Variants in PPP4R4 observed in about 807,000 individuals in gnomAD.
The protein encoded by PPP4R4 is protein phosphatase 4 regulatory subunit 4.
A neutral mutation model predicts 121.8 loss-of-function variants in PPP4R4; 70 were observed. The observed-to-expected ratio is 0.57, with a 90% CI of 0.47 to 0.70. The LOEUF (loss-of-function observed/expected upper bound fraction) is 0.70. Ranked by LOEUF, PPP4R4 falls within the 30% of genes least tolerant of loss-of-function variation. The probability of loss-of-function intolerance (pLI) is 0.00; values close to 1 mark genes in which losing one functional copy is unlikely to be tolerated. For synonymous variants in PPP4R4, 348 were observed against 355.7 expected (o/e 0.98, Z 0.24); for missense variants, 875 against 1,033.6 (o/e 0.85, Z 2.10).
At chr14:94,240,959 T>G (rs368522610) in intron 9 of PPP4R4, among the ~76,000 whole-genome samples, 164 bp downstream of exon 9, 1 of 152,102 alleles carries the variant, frequency 6.6e-6, no homozygotes, top group East Asian at 1.9e-4. Context: ...TAGAGCACAT[T>G]TAGGAATGAC....
intron 2 of PPP4R4, among the ~76,000 whole-genome samples, chr14:94,201,322 G>T (rs1357527218): frequency 6.6e-6 from 1 of 152,142 alleles, no homozygotes; most frequent in Non-Finnish European, 1.5e-5. Flanking sequence ...AGCATGTTCT[G>T]TAGATCATCT....
At chr14:94,177,897 C>A (rs945568420) in intron 2 of PPP4R4, among the ~76,000 whole-genome samples, 13 of 152,192 alleles carry the variant, frequency 8.5e-5, no homozygotes, top group African/African-American at 3.1e-4. Context: ...GATTCAATAT[C>A]TCCTTTAGTT....
chr14:94,264,294 G>A (rs951240029), intron 19 of PPP4R4, among the ~76,000 whole-genome samples: 8 of 152,130 alleles, frequency 5.3e-5, no homozygotes, highest in African/African-American at 2.4e-5. Flanking sequence ...GATTACAGGC[G>A]TGCATCACCA....
intron 5 of PPP4R4, among the ~76,000 whole-genome samples, chr14:94,232,722 C>T (rs6575401): frequency 0.23 from 35,432 of 152,010 alleles, 4,944 homozygotes; most frequent in East Asian, 0.59. Context: ...AGGACATATT[C>T]TTGTTTCCAT....
intron 2 of PPP4R4, among the ~76,000 whole-genome samples, chr14:94,182,905 C>A (rs559196379): frequency 9.2e-4 from 140 of 152,228 alleles, no homozygotes; most frequent in African/African-American, 3.3e-3. Context: ...TGAGTGGTCC[C>A]AGCCTATATA....
intron 3 of PPP4R4, among the ~76,000 whole-genome samples, chr14:94,220,491 A>G (rs754851251): frequency 6.6e-6 from 1 of 152,142 alleles, no homozygotes; most frequent in African/African-American, 2.4e-5. Flanking sequence ...ACATTATCAT[A>G]TGTAGGAACC....
chr14:94,257,858 T>C (rs998070289), intron 17 of PPP4R4, among the ~76,000 whole-genome samples: 2 of 152,100 alleles, frequency 1.3e-5, no homozygotes, highest in African/African-American at 2.4e-5. Context: ...GTAATAAAAT[T>C]AATGGATTAT....
chr14:94,214,192 C>A (rs894988644), intron 3 of PPP4R4, among the ~76,000 whole-genome samples: 2 of 152,124 alleles, frequency 1.3e-5, no homozygotes, highest in Non-Finnish European at 2.9e-5. Context: ...TTGGCCTGAT[C>A]CACTGATGGC....
Position 94,208,450 on chromosome 14 carries a change from G to A in PPP4R4, c.192-14G>A, listed in dbSNP as rs780430149. The stretch of plus-strand genomic sequence containing the variant: ...TTATAATTATAAATTTTAAATTTGT[G>A]TTTTCTTTGTAAGTGCTGGTCAAGA... On this transcript the variant is annotated splice_polypyrimidine_tract_variant and intron_variant, in intron 2 of 24. Coordinates refer to ENST00000304338, the MANE Select transcript of PPP4R4 (RefSeq NM_058237.2). 1.3e-6 allele frequency: 2 copies of A among 1,579,662 alleles called. No homozygotes were observed. Among genetic ancestry groups the A allele is most frequent in the East Asian group, 2.2e-5 (1 of 44,618 alleles).
intron 2 of PPP4R4, among the ~76,000 whole-genome samples, chr14:94,181,707 CT>C (rs1314844524): frequency 6.6e-6 from 1 of 152,106 alleles, no homozygotes; most frequent in Non-Finnish European, 1.5e-5. Context: ...TGATTTTCTA[CT>C]TGTGTTTTAA....
intron 2 of PPP4R4, among the ~76,000 whole-genome samples, chr14:94,201,493 G>A (rs1890177746): frequency 6.6e-6 from 1 of 152,082 alleles, no homozygotes; most frequent in South Asian, 2.1e-4. Flanking sequence ...AAATTTGGGA[G>A]CTCCAGTGTT....
chr14:94,199,210 C>A (rs1595464061), intron 2 of PPP4R4, among the ~76,000 whole-genome samples: 1 of 152,232 alleles, frequency 6.6e-6, no homozygotes, highest in Non-Finnish European at 1.5e-5. Context: ...GTCTACAAAT[C>A]TTAAACATCT....
At chr14:94,274,900 A>G (rs1243908649) in intron 23 of PPP4R4, among the ~76,000 whole-genome samples, 1 of 152,208 alleles carries the variant, frequency 6.6e-6, no homozygotes, top group African/African-American at 2.4e-5. Context: ...ATGTCTATCA[A>G]CAGATATTAT....
At chr14:94,181,943 AG>A (rs1315454005) in intron 2 of PPP4R4, among the ~76,000 whole-genome samples, 4 of 152,240 alleles carry the variant, frequency 2.6e-5, no homozygotes, top group African/African-American at 9.6e-5. Flanking sequence ...TCAATTAGTG[AG>A]AGTGGAATTC....
intron 3 of PPP4R4, among the ~76,000 whole-genome samples, chr14:94,217,675 A>G (rs972648780): frequency 1.3e-5 from 2 of 152,208 alleles, no homozygotes; most frequent in Non-Finnish European, 2.9e-5. Context: ...CAACAGAGAG[A>G]GGATCTATAA....
At chr14:94,228,161 A>G (rs554980685) in intron 3 of PPP4R4, among the ~76,000 whole-genome samples, 6 of 152,350 alleles carry the variant, frequency 3.9e-5, no homozygotes, top group East Asian at 3.9e-4. Context: ...TTTTCTGGCA[A>G]TTAACCATAG....
At chr14:94,256,970 A>G (rs1468962102) in intron 17 of PPP4R4, among the ~76,000 whole-genome samples, 1 of 152,168 alleles carries the variant, frequency 6.6e-6, no homozygotes, top group Non-Finnish European at 1.5e-5. Context: ...CACATTTTAT[A>G]GAAACTTATC....
At chr14:94,249,485 G>C (rs1893069670) in intron 14 of PPP4R4, among the ~76,000 whole-genome samples, 1 of 151,982 alleles carries the variant, frequency 6.6e-6, no homozygotes, top group African/African-American at 2.4e-5. Context: ...TGTAAATCAA[G>C]ATAATGAACA....
intron 3 of PPP4R4, among the ~76,000 whole-genome samples, chr14:94,218,382 C>T (rs1044273520): frequency 8.7e-6 from 1 of 114,942 alleles, no homozygotes; most frequent in African/African-American, 3.6e-5. Flanking sequence ...ACCGCACGCG[C>T]GTGCACACAC....
Sources: allele counts gnomAD v4.1 joint callset (sites outside exome capture counted in the v4.1 genomes callset), GRCh38; gene constraint gnomAD v4.1.1; transcripts MANE v1.5; gene names NCBI Gene and HGNC (gene_info 2026-07-23, HGNC 2026-07-21).